Variants in CPQ observed in about 807,000 individuals in gnomAD.
CPQ encodes the protein carboxypeptidase Q, also known as Ser-Met dipeptidase.
Under a neutral mutation model 45.7 loss-of-function variants are expected in CPQ, and 37 were observed. The observed-to-expected ratio is 0.81, with a 90% CI of 0.62 to 1.07. The LOEUF is 1.07. Among genes scored for constraint, CPQ ranks in the 50% least tolerant of loss-of-function variants. The pLI, the probability that CPQ is intolerant of heterozygous loss-of-function variation, is 0.00. For missense variants in CPQ, 537 were observed against 572.9 expected (o/e 0.94, Z 0.64); for synonymous variants, 186 against 205.8 (o/e 0.90, Z 0.82).
At chr8:96,771,104 AATAT>A (rs1214198058) in intron 1 of CPQ, among the ~76,000 whole-genome samples, 1 of 145,958 alleles carries the variant, frequency 6.9e-6, no homozygotes, top group Non-Finnish European at 1.5e-5. Context: ...TATATATATA[AATAT>A]ATATATTTAT....
intron 5 of CPQ, among the ~76,000 whole-genome samples, chr8:97,010,688 C>T (rs1033517767): frequency 1.3e-5 from 2 of 152,116 alleles, no homozygotes; most frequent in African/African-American, 4.8e-5. Flanking sequence ...TTTCTGCCCT[C>T]CCTCCAGATC....
chr8:96,976,737 CAT>C (rs1320623739), intron 5 of CPQ, among the ~76,000 whole-genome samples: 2 of 151,996 alleles, frequency 1.3e-5, no homozygotes, highest in Non-Finnish European at 2.9e-5. Flanking sequence ...CAAACAAAAA[CAT>C]AAAGTGGAGA....
At chr8:96,944,927 C>G (rs1813170078) in intron 4 of CPQ, among the ~76,000 whole-genome samples, 1 of 152,048 alleles carries the variant, frequency 6.6e-6, no homozygotes, top group Non-Finnish European at 1.5e-5. Flanking sequence ...AAAAAAAACT[C>G]CCTTTCACTT....
intron 5 of CPQ, among the ~76,000 whole-genome samples, chr8:96,989,725 T>C (rs576621028): frequency 1.3e-5 from 2 of 152,278 alleles, no homozygotes; most frequent in Admixed American, 6.5e-5. Context: ...TGTTATTGGT[T>C]CTCTGTCTCC....
intron 7 of CPQ, among the ~76,000 whole-genome samples, chr8:97,123,323 A>G (rs1201184952): frequency 6.7e-6 from 1 of 148,616 alleles, no homozygotes; most frequent in African/African-American, 2.4e-5. Flanking sequence ...TGAAAAGTAA[A>G]TGGACTGTTC....
At chr8:97,125,891 C>A (rs1352937560) in intron 7 of CPQ, among the ~76,000 whole-genome samples, 1 of 151,992 alleles carries the variant, frequency 6.6e-6, no homozygotes, top group Non-Finnish European at 1.5e-5. Flanking sequence ...ATAAAGAAAT[C>A]AAAGATTACA....
intron 4 of CPQ, among the ~76,000 whole-genome samples, chr8:96,930,615 T>C (rs1369774196): frequency 1.3e-5 from 2 of 152,218 alleles, no homozygotes; most frequent in African/African-American, 4.8e-5. Context: ...ATGGAAAGAC[T>C]TCGTTCCTCT....
intron 5 of CPQ, among the ~76,000 whole-genome samples, chr8:96,982,472 G>A (rs1199818886): frequency 6.6e-6 from 1 of 152,030 alleles, no homozygotes; most frequent in Non-Finnish European, 1.5e-5. Flanking sequence ...CTGAGTAGCT[G>A]GGACTACAGG....
intron 1 of CPQ, among the ~76,000 whole-genome samples, chr8:96,779,063 C>CAA (rs561557208): frequency 5.3e-5 from 3 of 57,004 alleles, no homozygotes; most frequent in Non-Finnish European, 7.7e-5. Context: ...ACTCCATCTC[C>CAA]AAAAAAAAAA....
At chr8:97,046,694 G>A (rs1729972987) in intron 6 of CPQ, among the ~76,000 whole-genome samples, 1 of 152,160 alleles carries the variant, frequency 6.6e-6, no homozygotes, top group South Asian at 2.1e-4. Flanking sequence ...ATTTGTAAAT[G>A]TGTTTCAGGC....
chr8:97,092,309 T>C (rs1811139807), intron 7 of CPQ: 1 of 152,206 alleles, frequency 6.6e-6, no homozygotes, highest in Non-Finnish European at 1.5e-5. Context: ...TTCAGTTTCA[T>C]ATAAACATAG....
intron 1 of CPQ, among the ~76,000 whole-genome samples, chr8:96,662,656 G>A (rs1808848322): frequency 6.6e-6 from 1 of 152,100 alleles, no homozygotes; most frequent in Non-Finnish European, 1.5e-5. Context: ...TAAGGAGCTG[G>A]GGTCTGGCAT....
At chr8:97,127,252 C>T (rs749689821) in intron 7 of CPQ, among the ~76,000 whole-genome samples, 19 of 152,050 alleles carry the variant, frequency 1.2e-4, no homozygotes, top group South Asian at 2.1e-4. Context: ...ACAATACATA[C>T]GTCTGACAAA....
chr8:96,760,731 A>T (rs893558563), intron 1 of CPQ, among the ~76,000 whole-genome samples: 1 of 152,192 alleles, frequency 6.6e-6, no homozygotes, highest in African/African-American at 2.4e-5. Context: ...AGCAGCCTTC[A>T]ACTGCAATAC....
At chr8:96,717,052 T>A (rs867128849) in intron 1 of CPQ, among the ~76,000 whole-genome samples, 2 of 105,884 alleles carry the variant, frequency 1.9e-5, no homozygotes, top group African/African-American at 4.9e-5. Context: ...TATATATATA[T>A]ATATATATAT....
intron 1 of CPQ, among the ~76,000 whole-genome samples, chr8:96,697,672 C>T (rs1052301627): frequency 3.3e-5 from 5 of 152,000 alleles, no homozygotes; most frequent in African/African-American, 1.2e-4. Context: ...TGGCAGGATA[C>T]AAAATCAACA....
At chr8:96,771,151 A>G (rs1810539246) in intron 1 of CPQ, among the ~76,000 whole-genome samples, 1 of 148,236 alleles carries the variant, frequency 6.7e-6, no homozygotes, top group African/African-American at 2.5e-5. Context: ...ATAAATATAT[A>G]AAACATTATA....
intron 5 of CPQ, among the ~76,000 whole-genome samples, chr8:96,984,980 T>C (rs1813985369): frequency 2.0e-5 from 3 of 152,242 alleles, no homozygotes; most frequent in South Asian, 4.1e-4. Flanking sequence ...GTTCCTTTAA[T>C]AGAGTTCTGT....
intron 2 of CPQ, among the ~76,000 whole-genome samples, chr8:96,824,628 G>T (rs1811353855): frequency 6.6e-6 from 1 of 151,916 alleles, no homozygotes; most frequent in African/African-American, 2.4e-5. Flanking sequence ...ATTACAAATG[G>T]TCCACATGGA....
Sources: gnomAD v4.1 joint callset for allele counts (sites outside exome capture counted in the v4.1 genomes callset) on GRCh38, gnomAD v4.1.1 for gene constraint, MANE v1.5 for transcripts, NCBI Gene and HGNC (gene_info 2026-07-23, HGNC 2026-07-21) for gene names.